SLC4A10: variants seen among roughly 807,000 people sequenced by gnomAD.
SLC4A10 encodes sodium-driven chloride bicarbonate exchanger.
Under a neutral mutation model 137.7 loss-of-function variants are expected in SLC4A10, and 42 were observed. That is an observed-to-expected ratio of 0.30 (90% CI 0.24 to 0.39). SLC4A10 has a LOEUF of 0.39. SLC4A10 is among the 10% of genes least tolerant of loss of function. The pLI is 1.00. For synonymous variants in SLC4A10, 474 were observed against 464.1 expected, an observed-to-expected ratio of 1.02 and a Z score of -0.27; for missense variants, 925 against 1,355.0, an observed-to-expected ratio of 0.68 and a Z score of 4.98.
chr2:161,776,103 G>A (rs1022875076), intron 2 of SLC4A10, among the ~76,000 whole-genome samples: 8 of 151,834 alleles, frequency 5.3e-5, no homozygotes, highest in African/African-American at 1.7e-4. Flanking sequence ...CTAGTTAGTC[G>A]AGTTTGAAAT....
At chr2:161,922,199 A>G (rs1031270102) in intron 15 of SLC4A10, among the ~76,000 whole-genome samples, 2 of 152,174 alleles carry the variant, frequency 1.3e-5, no homozygotes, top group Non-Finnish European at 2.9e-5. Context: ...GAATGAAGAT[A>G]AATTTGAGAT....
intron 26 of SLC4A10, among the ~76,000 whole-genome samples, chr2:161,980,382 C>T (rs1700049723): frequency 6.6e-6 from 1 of 152,168 alleles, no homozygotes; most frequent in Non-Finnish European, 1.5e-5. Flanking sequence ...GGCGTGGTGG[C>T]TCAGGCCTAT....
chr2:161,957,281 A>C (rs369032503), intron 20 of SLC4A10, 41 bp downstream of exon 20: 2 of 1,564,478 alleles, frequency 1.3e-6, no homozygotes, highest in Non-Finnish European at 1.7e-6. Flanking sequence ...GAAAGAATAC[A>C]TTTATCATCA....
intron 21 of SLC4A10, among the ~76,000 whole-genome samples, chr2:161,958,956 T>C (rs1331269096): frequency 2.0e-5 from 3 of 152,190 alleles, no homozygotes; most frequent in Admixed American, 1.3e-4. Flanking sequence ...ATTAAAATAT[T>C]GGAAACAACC....
rs763108576 is a variant in SLC4A10 at position 161,950,754 on chromosome 2, C to T, written c.2447C>T (p.Ala816Val). The T allele has an allele frequency of 1.3e-6, 2 of 1,597,490 alleles. No homozygotes were observed. The highest frequency in any genetic ancestry group is 1.7e-6 in the Non-Finnish European group (2 of 1,171,212). Residue 816 changes from alanine to valine, a missense_variant, in exon 19 of 27, where the codon GCT (alanine) becomes GTT (valine). Physicochemically the swap from Ala to Val is moderately conservative, Grantham distance 64. Transcript: ENST00000446997. ...LGPNPWWTVI[A>V]AIIPALLCTI... ...CCAAACCCATGGTGGACAGTAATAGCTGCTATAATTCCAGCTCTGCTTTGT... is the reference window on the plus strand; with the variant it reads ...CCAAACCCATGGTGGACAGTAATAGTTGCTATAATTCCAGCTCTGCTTTGT...
intron 15 of SLC4A10, among the ~76,000 whole-genome samples, chr2:161,928,749 G>A (rs2105595755): frequency 6.7e-6 from 1 of 150,090 alleles, no homozygotes; most frequent in East Asian, 2.0e-4. Context: ...CAAACATTTA[G>A]TTCCTCCCAT....
chr2:161,946,324 C>A (rs1344561128), intron 16 of SLC4A10, among the ~76,000 whole-genome samples: 3 of 151,974 alleles, frequency 2.0e-5, no homozygotes, highest in Non-Finnish European at 2.9e-5. Context: ...GCTAGCAACT[C>A]CAAGTAGATT....
At chr2:161,933,236 T>TTTCTTTC (rs777202514) in intron 15 of SLC4A10, among the ~76,000 whole-genome samples, 1 of 143,430 alleles carries the variant, frequency 7.0e-6, no homozygotes, top group Non-Finnish European at 1.5e-5. Flanking sequence ...TCTTTCTTTC[T>TTTCTTTC]TTCTTTCTTT....
chr2:161,753,906 T>TTTA, intron 1 of SLC4A10, among the ~76,000 whole-genome samples: 1 of 102,254 alleles, frequency 9.8e-6, no homozygotes, highest in East Asian at 3.0e-4. Flanking sequence ...TTATTTATTT[T>TTTA]TGGGACAGAG....
At chr2:161,958,592 G>T in intron 21 of SLC4A10, 37 bp downstream of exon 21, 1 of 1,504,996 alleles carries the variant, frequency 6.6e-7, no homozygotes, top group South Asian at 1.2e-5. Flanking sequence ...CATCTGTGAT[G>T]ACTGACCTTA....
At chr2:161,897,163 ATATT>A (rs778677464) in intron 11 of SLC4A10, among the ~76,000 whole-genome samples, 1 of 152,144 alleles carries the variant, frequency 6.6e-6, no homozygotes, top group Non-Finnish European at 1.5e-5. Context: ...CATCTAATGT[ATATT>A]TTACCCATCA....
At chr2:161,848,894 AT>A (rs59476159) in intron 4 of SLC4A10, among the ~76,000 whole-genome samples, 2 of 151,762 alleles carry the variant, frequency 1.3e-5, no homozygotes, top group Non-Finnish European at 2.9e-5. Flanking sequence ...GAATTTTAGA[AT>A]TTTTTTCTAA....
At chr2:161,800,629 T>C (rs2055279082) in intron 2 of SLC4A10, among the ~76,000 whole-genome samples, 1 of 152,160 alleles carries the variant, frequency 6.6e-6, no homozygotes, top group Non-Finnish European at 1.5e-5. Context: ...ATCATCTATA[T>C]GTGTTTTGAA....
In SLC4A10 at chr2:161,873,898, T is replaced by A; in HGVS notation, c.859-18T>A. ...GGAGCATGGTGTACCAGCTTAAGTC[T>A]GTTAATTATGCGTGCAGGGACTGGG... On this transcript the variant is annotated intron_variant, in intron 7 of 26. Coordinates refer to ENST00000446997, the MANE Select transcript of SLC4A10 (RefSeq NM_001178015.2). 1.3e-6 allele frequency: 2 copies of A among 1,586,636 alleles called. No homozygotes were observed. Among genetic ancestry groups the A allele is most frequent in the Non-Finnish European group, 1.7e-6 (2 of 1,174,078 alleles).
intron 2 of SLC4A10, among the ~76,000 whole-genome samples, chr2:161,799,496 A>T (rs1161697307): frequency 6.6e-6 from 1 of 151,940 alleles, no homozygotes. Context: ...TAATGTTAGG[A>T]TTTACAAAAG....
At chr2:161,765,841 A>G (rs2050747814) in intron 1 of SLC4A10, among the ~76,000 whole-genome samples, 1 of 152,142 alleles carries the variant, frequency 6.6e-6, no homozygotes. Flanking sequence ...TGGGGTAACC[A>G]AAAGGCTGGC....
At chr2:161,744,764 C>T (rs1484972772) in intron 1 of SLC4A10, among the ~76,000 whole-genome samples, 7 of 152,054 alleles carry the variant, frequency 4.6e-5, no homozygotes, top group African/African-American at 1.7e-4. Context: ...TGCTTTTTAA[C>T]TTTTTGTTGT....
At chr2:161,644,459 GGGCAACA>G (rs1379265073) in intron 1 of SLC4A10, among the ~76,000 whole-genome samples, 2 of 149,350 alleles carry the variant, frequency 1.3e-5, no homozygotes, top group African/African-American at 4.9e-5. Context: ...ACTCCAGCTT[GGGCAACA>G]GAGTGAGACC....
intron 1 of SLC4A10, among the ~76,000 whole-genome samples, chr2:161,689,951 G>C (rs969292672): frequency 6.6e-6 from 1 of 152,094 alleles, no homozygotes; most frequent in Admixed American, 6.6e-5. Flanking sequence ...AAACTTTTCT[G>C]TTCTCTGAAG....
Sources: allele counts gnomAD v4.1 joint callset (sites outside exome capture counted in the v4.1 genomes callset), GRCh38; gene constraint gnomAD v4.1.1; transcripts MANE v1.5; gene names NCBI Gene and HGNC (gene_info 2026-07-23, HGNC 2026-07-21).